Variants in SLCO6A1 observed in about 807,000 individuals in gnomAD.
The protein encoded by SLCO6A1 is cancer/testis antigen 48.
A neutral mutation model predicts 72.7 loss-of-function variants in SLCO6A1; 65 were observed. The ratio of observed to expected loss-of-function variants is 0.89; its 90% confidence interval spans 0.73 to 1.10. The LOEUF (loss-of-function observed/expected upper bound fraction) is 1.10, where lower values mean the gene tolerates loss of function less well. SLCO6A1 is among the 50% of genes least tolerant of loss of function. SLCO6A1 has a pLI of 0.00. For synonymous variants in SLCO6A1, 314 were observed against 298.2 expected, an observed-to-expected ratio of 1.05 and a Z score of -0.55; for missense variants, 874 against 872.6, an observed-to-expected ratio of 1.00 and a Z score of -0.02.
chr5:102,379,821 C>T (rs907506788), intron 12 of SLCO6A1, among the ~76,000 whole-genome samples: 23 of 147,882 alleles, frequency 1.6e-4, no homozygotes, highest in Non-Finnish European at 2.7e-4. Context: ...TGATCACATG[C>T]TGTAGATTAA....
intron 4 of SLCO6A1, among the ~76,000 whole-genome samples, chr5:102,467,083 C>A (rs965836626): frequency 2.6e-5 from 4 of 152,100 alleles, no homozygotes; most frequent in African/African-American, 9.7e-5. Context: ...ATCATGAAAT[C>A]TTTGCCCATG....
In SLCO6A1 at chr5:102,389,457, C is replaced by CCCG. The variant is rs34181415; in HGVS notation, c.1880-633_1880-632insCGG. On this transcript the variant is annotated intron_variant, in intron 11 of 13. Transcript: ENST00000506729. ...AGTCACACACCCCGCCCCCCACCCC[C>CCCG]ACACACACAGAGTTGCCCCCAAACA... Among the ~76,000 whole-genome samples the CCCG allele has an allele frequency of 4.4e-4, 37 of 83,442 alleles. No individual in the cohort carries two copies. The East Asian group carries it at 9.9e-3, about 22-fold the overall frequency. The allele number at this position is 83,442 out of a possible 152,430, so 54.7% of individuals were successfully genotyped here. A position where few individuals can be genotyped will look rare whatever the true frequency, so the allele number is the denominator to read the frequency against.
intron 6 of SLCO6A1, among the ~76,000 whole-genome samples, chr5:102,451,556 C>T (rs568778001): frequency 1.3e-4 from 20 of 152,274 alleles, no homozygotes; most frequent in Non-Finnish European, 2.5e-4. Context: ...TCATGTCATT[C>T]TGGAGGCCCT....
chr5:102,469,285 T>C (rs972631732), intron 4 of SLCO6A1, among the ~76,000 whole-genome samples: 8 of 152,184 alleles, frequency 5.3e-5, no homozygotes, highest in Admixed American at 4.6e-4. Context: ...TGATTCTTCC[T>C]ATCCATGAGC....
chr5:102,410,906 T>A (rs1747939162), intron 9 of SLCO6A1, among the ~76,000 whole-genome samples: 1 of 152,140 alleles, frequency 6.6e-6, no homozygotes, highest in South Asian at 2.1e-4. Flanking sequence ...AAGGACTAAT[T>A]TCCACATCTA....
In SLCO6A1 at chr5:102,498,405, C is replaced by G; in HGVS notation, c.358+82G>C. The stretch of plus-strand genomic sequence containing the variant: ...GGCATGCTGGGCCACCCCAGGGCGT[C>G]CTCCGCCATACTCCCTCTCCCGCCT... On this transcript the variant is annotated intron_variant, in intron 1 of 13. Transcript: ENST00000506729. The G allele has an allele frequency of 3.7e-6, 5 of 1,368,218 alleles. No homozygotes were observed. In the African/African-American group the frequency reaches 4.5e-5, roughly 12 times the overall value. The allele number at this position is 1,368,218 out of a possible 1,614,324, so 84.8% of individuals were successfully genotyped here.
intron 11 of SLCO6A1, 59 bp downstream of exon 11, chr5:102,390,922 G>T: frequency 7.5e-7 from 1 of 1,335,238 alleles, no homozygotes; most frequent in Non-Finnish European, 1.1e-6. Flanking sequence ...TACACATGTA[G>T]ACATATATAC....
At chr5:102,490,005 C>A (rs1054484843) in intron 1 of SLCO6A1, among the ~76,000 whole-genome samples, 4 of 152,174 alleles carry the variant, frequency 2.6e-5, no homozygotes, top group African/African-American at 9.7e-5. Flanking sequence ...ACAAGTACTG[C>A]ATGTTCTCAC....
At chr5:102,495,412 G>A (rs1044802127) in intron 1 of SLCO6A1, among the ~76,000 whole-genome samples, 3 of 151,466 alleles carry the variant, frequency 2.0e-5, no homozygotes, top group Non-Finnish European at 2.9e-5. Context: ...TGGCCAATAC[G>A]GTGAAACCCC....
intron 4 of SLCO6A1, among the ~76,000 whole-genome samples, chr5:102,470,033 T>C (rs1172531369): frequency 1.3e-5 from 2 of 152,184 alleles, no homozygotes; most frequent in East Asian, 1.9e-4. Context: ...GTGGAACTTT[T>C]TGATGTGCTG....
rs79322033 is a variant in SLCO6A1 at position 102,408,055 on chromosome 5, T to G, written c.1626+4935A>C. 5.3e-5 allele frequency among the ~76,000 whole-genome samples: 8 copies of G among 152,230 alleles called. No homozygotes were observed. The East Asian group carries it at 1.5e-3, about 29-fold the overall frequency. On this transcript the variant is annotated intron_variant, in intron 9 of 13. Coordinates refer to ENST00000506729, the MANE Select transcript of SLCO6A1 (RefSeq NM_173488.5). ...CCCCCCTTATCCATGGGAAATACAT[T>G]CCAAGATCCCTGAATGTCTGAAATC...
chr5:102,415,803 A>T (rs1396340702), intron 8 of SLCO6A1, among the ~76,000 whole-genome samples: 1 of 152,154 alleles, frequency 6.6e-6, no homozygotes, highest in Non-Finnish European at 1.5e-5. Flanking sequence ...TTTTCAAGCT[A>T]TCCATCCAAC....
At chr5:102,397,017 T>A (rs1363150504) in intron 10 of SLCO6A1, among the ~76,000 whole-genome samples, 1 of 152,206 alleles carries the variant, frequency 6.6e-6, no homozygotes, top group Non-Finnish European at 1.5e-5. Flanking sequence ...TTAATATTGT[T>A]ACAGTGTGGA....
intron 1 of SLCO6A1, among the ~76,000 whole-genome samples, chr5:102,482,054 C>T (rs1263740395): frequency 1.3e-5 from 2 of 152,094 alleles, no homozygotes; most frequent in African/African-American, 2.4e-5. Context: ...TTAACTTTTA[C>T]ATTAGATGTG....
chr5:102,430,122 G>C (rs1749132544), intron 7 of SLCO6A1, among the ~76,000 whole-genome samples: 1 of 152,144 alleles, frequency 6.6e-6, no homozygotes, highest in South Asian at 2.1e-4. Flanking sequence ...TTGGTGTATA[G>C]AAATATTATT....
chr5:102,457,368 G>A (rs111813308), intron 6 of SLCO6A1, among the ~76,000 whole-genome samples: 96,622 of 149,456 alleles, frequency 0.65, 31,441 homozygotes, highest in African/African-American at 0.67. Flanking sequence ...CAAAGGGCTA[G>A]TATCCAGAAT....
rs71620660 is a variant in SLCO6A1 at position 102,485,253 on chromosome 5, AAAATAAATAAATAAATAAAT to A, written c.359-4839_359-4820del. 7.0e-4 allele frequency among the ~76,000 whole-genome samples: 102 copies of A among 145,286 alleles called. 1 individual carries two copies. In the East Asian group the frequency reaches 0.02, roughly 28 times the overall value. ...GCAACAAGAGCGAAACTCCATCTCA[AAAATAAATAAATAAATAAAT>A]AAATAAATAAATAAATAAATAAAAT... is the stretch of plus-strand genomic sequence containing the variant. On this transcript the variant is annotated intron_variant, in intron 1 of 13. Coordinates refer to ENST00000506729, the MANE Select transcript of SLCO6A1 (RefSeq NM_173488.5).
chr5:102,455,995 C>T (rs568423752), intron 6 of SLCO6A1, among the ~76,000 whole-genome samples: 14 of 152,162 alleles, frequency 9.2e-5, no homozygotes, highest in African/African-American at 3.1e-4. Context: ...AGAGAACCAA[C>T]GACAAAAACC....
At chr5:102,378,455 C>T (rs943370450) in intron 12 of SLCO6A1, among the ~76,000 whole-genome samples, 19 of 152,078 alleles carry the variant, frequency 1.2e-4, no homozygotes, top group African/African-American at 4.3e-4. Flanking sequence ...TTTTTACAAA[C>T]CAAACAGTGT....
Sources: allele counts gnomAD v4.1 joint callset (sites outside exome capture counted in the v4.1 genomes callset), GRCh38; gene constraint gnomAD v4.1.1; transcripts MANE v1.5; gene names NCBI Gene and HGNC (gene_info 2026-07-23, HGNC 2026-07-21).